The following EXOC2 variants were observed in gnomAD, a reference collection of about 807,000 sequenced individuals.
The protein encoded by EXOC2 is exocyst complex component 2.
In EXOC2, 70 loss-of-function variants were observed where a neutral mutation model predicts 131.8. That is an observed-to-expected ratio of 0.53 (90% CI 0.44 to 0.65). The LOEUF is 0.65. Among genes scored for constraint, EXOC2 ranks in the 30% least tolerant of loss-of-function variants. The pLI, the probability that EXOC2 is intolerant of heterozygous loss-of-function variation, is 0.00. For missense variants in EXOC2, 923 were observed against 1,108.6 expected (o/e 0.83, Z 2.38); for synonymous variants, 411 against 398.4 (o/e 1.03, Z -0.38).
rs182957725 is a variant in EXOC2 at position 644,820 on chromosome 6, T to C, written c.-43-6959A>G. Among the ~76,000 whole-genome samples, 34 of 152,188 alleles carry C rather than the reference T, an allele frequency of 2.2e-4. No homozygotes were observed. In the East Asian group the frequency reaches 6.2e-3, roughly 28 times the overall value. ...GACTTCTACATTAAAAACTACAATA[T>C]ACTGCAGAGACAAAATAAAGACCTA... On this transcript the variant is annotated intron_variant, in intron 1 of 27. Transcript: ENST00000230449.
intron 1 of EXOC2, chr6:669,743 G>C (rs1317163673): frequency 6.6e-6 from 1 of 152,330 alleles, no homozygotes; most frequent in Non-Finnish European, 1.5e-5. Context: ...TGGCCCTCCA[G>C]CTGAGGTGTC....
At chr6:521,530 CTT>C (rs965414802) in intron 23 of EXOC2, among the ~76,000 whole-genome samples, 4 of 144,320 alleles carry the variant, frequency 2.8e-5, no homozygotes, top group Non-Finnish European at 4.6e-5. Flanking sequence ...CATTTGAATT[CTT>C]TTTTTTTTTT....
At chr6:635,064 A>G (rs910776456) in intron 2 of EXOC2, among the ~76,000 whole-genome samples, 1 of 152,194 alleles carries the variant, frequency 6.6e-6, no homozygotes, top group African/African-American at 2.4e-5. Flanking sequence ...TAATATTTTT[A>G]AGTATTTTAA....
At chr6:522,044 C>T (rs1046120539) in intron 23 of EXOC2, among the ~76,000 whole-genome samples, 1 of 152,170 alleles carries the variant, frequency 6.6e-6, no homozygotes, top group African/African-American at 2.4e-5. Context: ...TAACCCTTAC[C>T]AAGGCATTAG....
chr6:534,008 A>C (rs1364663966), intron 22 of EXOC2, among the ~76,000 whole-genome samples: 1 of 152,252 alleles, frequency 6.6e-6, no homozygotes, highest in Non-Finnish European at 1.5e-5. Context: ...TGACGATTAA[A>C]GTATAATACA....
chr6:625,518 CTTT>C lies in EXOC2; in HGVS notation c.422+4314_422+4316del, dbSNP rs796295514. Among the ~76,000 whole-genome samples the C allele has an allele frequency of 5.2e-3, 557 of 108,012 alleles. 3 individuals are homozygous for C. Among genetic ancestry groups the C allele is most frequent in the African/African-American group, 0.017 (519 of 30,696 alleles). The allele number at this position is 108,012 out of a possible 152,430, so 70.9% of individuals were successfully genotyped here. ...TACGTATTATAAGTTTGTTTCCGTTCTTTTTTTTTTTTTTTTTTTTTTGTCTGA... is the reference window on the plus strand; with the variant it reads ...TACGTATTATAAGTTTGTTTCCGTTCTTTTTTTTTTTTTTTTTTTGTCTGA... On this transcript the variant is annotated intron_variant, in intron 4 of 27. Transcript: ENST00000230449.
chr6:592,368 C>A, intron 11 of EXOC2, 101 bp downstream of exon 11: 1 of 1,001,724 alleles, frequency 1.0e-6, no homozygotes, highest in Non-Finnish European at 1.5e-6. Context: ...TAAGAGATAC[C>A]AAGTAAATTA....
At chr6:515,651 G>A (rs1765110520) in intron 23 of EXOC2, among the ~76,000 whole-genome samples, 1 of 151,008 alleles carries the variant, frequency 6.6e-6, no homozygotes, top group African/African-American at 2.4e-5. Flanking sequence ...GACGCACACA[G>A]CTGGGGCGGT....
In EXOC2 at chr6:658,645, T is replaced by TA. The variant is rs1554146212; in HGVS notation, c.-43-20785_-43-20784insT. Among the ~76,000 whole-genome samples, 220 of 118,336 alleles carry TA rather than the reference T, an allele frequency of 1.9e-3. 8 individuals carry two copies. Among genetic ancestry groups the TA allele is most frequent in the Admixed American group, 0.018 (200 of 11,028 alleles). The allele number at this position is 118,336 out of a possible 152,430, so 77.6% of individuals were successfully genotyped here. ...GATATTTAAAATATATATATATATTTTATATATATATATATATATATTTTT... is the reference window on the plus strand; with the variant it reads ...GATATTTAAAATATATATATATATTTATATATATATATATATATATATTTTT... On this transcript the variant is annotated intron_variant, in intron 1 of 27. Coordinates refer to ENST00000230449, the MANE Select transcript of EXOC2 (RefSeq NM_018303.6).
At chr6:660,160 C>T (rs536638971) in intron 1 of EXOC2, among the ~76,000 whole-genome samples, 1 of 146,012 alleles carries the variant, frequency 6.8e-6, no homozygotes, top group East Asian at 2.1e-4. Context: ...CCACCCCCAT[C>T]CCCCAAGACC....
intron 22 of EXOC2, among the ~76,000 whole-genome samples, chr6:536,194 AAAG>A (rs1229539343): frequency 6.6e-6 from 1 of 152,220 alleles, no homozygotes; most frequent in Non-Finnish European, 1.5e-5. Flanking sequence ...TAATACCAAA[AAAG>A]AAGAAGTAAA....
intron 16 of EXOC2, among the ~76,000 whole-genome samples, 153 bp from the exon 17 acceptor site, chr6:562,998 T>C (rs951548150): frequency 1.3e-5 from 2 of 152,242 alleles, no homozygotes; most frequent in South Asian, 2.1e-4. Context: ...TTTGGTAGAC[T>C]TGATGATTTA....
At chr6:599,867 T>TC (rs200172561) in intron 7 of EXOC2, among the ~76,000 whole-genome samples, 1 of 151,762 alleles carries the variant, frequency 6.6e-6, no homozygotes, top group Admixed American at 6.6e-5. Flanking sequence ...TTTTTTTTTT[T>TC]CACCTAAAAG....
At position 613,508 on chromosome 6, in the gene EXOC2, C is replaced by T. The variant is rs187399719; in HGVS notation, c.662-3330G>A. On this transcript the variant is annotated intron_variant, in intron 6 of 27. Coordinates refer to ENST00000230449, the MANE Select transcript of EXOC2 (RefSeq NM_018303.6). Reference sequence around the variant, plus strand: ...GAGAAGGGCTCTGATTTGTACCTGTCCCCTGTGCCCAACACTGGAACACAA... The same window carrying T: ...GAGAAGGGCTCTGATTTGTACCTGTTCCCTGTGCCCAACACTGGAACACAA... Among the ~76,000 whole-genome samples, 364 of 152,318 alleles carry T rather than the reference C, an allele frequency of 2.4e-3. 1 individual carries two copies. The highest frequency in any genetic ancestry group is 4.0e-3 in the Non-Finnish European group (271 of 68,034).
At chr6:582,721 T>G (rs1490200138) in intron 11 of EXOC2, among the ~76,000 whole-genome samples, 1 of 152,042 alleles carries the variant, frequency 6.6e-6, no homozygotes, top group Non-Finnish European at 1.5e-5. Context: ...CTTTTTGATC[T>G]TCTGATTATA....
intron 22 of EXOC2, among the ~76,000 whole-genome samples, chr6:534,433 C>G (rs374721640): frequency 6.7e-6 from 1 of 148,520 alleles, no homozygotes; most frequent in South Asian, 2.2e-4. Flanking sequence ...GAGAGAGAGA[C>G]AGAGAGAGAG....
At chr6:630,124 G>A (rs1027339782) in intron 3 of EXOC2, among the ~76,000 whole-genome samples, 163 bp from the exon 4 acceptor site, 2 of 152,120 alleles carry the variant, frequency 1.3e-5, no homozygotes, top group African/African-American at 2.4e-5. Context: ...AAAATGACTA[G>A]TAGTTTAATT....
intron 10 of EXOC2, among the ~76,000 whole-genome samples, chr6:592,880 A>G (rs1186879322): frequency 2.6e-5 from 4 of 151,948 alleles, no homozygotes; most frequent in Non-Finnish European, 5.9e-5. Flanking sequence ...AAATACAAAA[A>G]TTAGCCAAGT....
intron 23 of EXOC2, chr6:525,558 A>T (rs1765691992): frequency 6.6e-6 from 1 of 152,208 alleles, no homozygotes; most frequent in African/African-American, 2.4e-5. Flanking sequence ...CCAAGAAGAA[A>T]ACAAGTTAGT....
Sources: gnomAD v4.1 joint callset for allele counts (sites outside exome capture counted in the v4.1 genomes callset) on GRCh38, gnomAD v4.1.1 for gene constraint, MANE v1.5 for transcripts, NCBI Gene and HGNC (gene_info 2026-07-23, HGNC 2026-07-21) for gene names.